Variants in GAS2 observed in about 807,000 individuals in gnomAD.
GAS2 encodes the protein growth arrest-specific protein 2.
GAS2 carries 20 observed loss-of-function variants against 37.5 expected under a neutral mutation model. That is an observed-to-expected ratio of 0.53 (90% CI 0.37 to 0.77). GAS2 has a LOEUF of 0.77. Among genes scored for constraint, GAS2 ranks in the 30% least tolerant of loss-of-function variants. GAS2 has a pLI of 0.00. For missense variants in GAS2, 336 were observed against 373.4 expected (o/e 0.90, Z 0.82); for synonymous variants, 144 against 132.2 (o/e 1.09, Z -0.61).
intron 1 of GAS2, among the ~76,000 whole-genome samples, chr11:22,650,509 A>G (rs1398524954): frequency 6.6e-6 from 1 of 150,834 alleles, no homozygotes; most frequent in East Asian, 1.9e-4. Context: ...TCTAATGTTG[A>G]CAGTGGGGTG....
intron 7 of GAS2, among the ~76,000 whole-genome samples, chr11:22,790,588 C>T (rs1398376758): frequency 8.3e-6 from 1 of 120,064 alleles, no homozygotes; most frequent in African/African-American, 3.0e-5. Context: ...TTCTTCTTCT[C>T]TATTTTTTTT....
chr11:22,629,260 A>G (rs952947305), intron 1 of GAS2, among the ~76,000 whole-genome samples: 1 of 152,128 alleles, frequency 6.6e-6, no homozygotes, highest in Non-Finnish European at 1.5e-5. Context: ...TTTTCCATAG[A>G]GGTTATACTG....
chr11:22,797,896 A>T (rs1393076037), intron 7 of GAS2, among the ~76,000 whole-genome samples: 1 of 152,100 alleles, frequency 6.6e-6, no homozygotes, highest in African/African-American at 2.4e-5. Flanking sequence ...CAATATGATC[A>T]TCAGCAAGGA....
At chr11:22,766,673 C>T (rs1854713819) in intron 7 of GAS2, among the ~76,000 whole-genome samples, 1 of 152,150 alleles carries the variant, frequency 6.6e-6, no homozygotes, top group South Asian at 2.1e-4. Context: ...ACAACATAAA[C>T]TAGAAAACCC....
chr11:22,690,444 G>GA (rs1029519151), intron 3 of GAS2, among the ~76,000 whole-genome samples: 2 of 152,114 alleles, frequency 1.3e-5, no homozygotes, highest in Non-Finnish European at 2.9e-5. Context: ...TAGCCTTTGT[G>GA]TAGTGGGCCA....
At chr11:22,743,665 A>C (rs1853217697) in intron 5 of GAS2, among the ~76,000 whole-genome samples, 1 of 152,084 alleles carries the variant, frequency 6.6e-6, no homozygotes, top group Non-Finnish European at 1.5e-5. Context: ...TTTCATTTCT[A>C]CTTTTCTGAT....
In GAS2 at chr11:22,812,518, T is replaced by A. The variant is rs1300688452; in HGVS notation, c.*502T>A. On this transcript the variant is annotated 3_prime_UTR_variant, in exon 8 of 8. Transcript: ENST00000454584. Reference sequence around the variant, plus strand: ...AGCACTACACATAAGTACAGAGTATTCACAATAGTAATATGTTACTGGAAA... The same window carrying A: ...AGCACTACACATAAGTACAGAGTATACACAATAGTAATATGTTACTGGAAA... 1 of 153,662 alleles carries A rather than the reference T, an allele frequency of 6.5e-6. No individual in the cohort carries two copies. The highest frequency in any genetic ancestry group is 1.4e-5 in the Non-Finnish European group (1 of 69,140). 9.5% of individuals were successfully genotyped at this position (153,662 alleles called of 1,614,324 possible). A position where few individuals can be genotyped will look rare whatever the true frequency, so the allele number is the denominator to read the frequency against.
rs557148931 is a variant in GAS2 at position 22,689,091 on chromosome 11, C to T, written c.267+3302C>T. Among the ~76,000 whole-genome samples, 4 of 152,130 alleles carry T rather than the reference C, an allele frequency of 2.6e-5. No individual in the cohort carries two copies. In the South Asian group the frequency reaches 8.3e-4, roughly 32 times the overall value. ...GAGCTAAACACTGAGTACACATGGA[C>T]ACAAACAGGAGAACAAAAGACACTG... On this transcript the variant is annotated intron_variant, in intron 3 of 7. Coordinates refer to ENST00000454584, the MANE Select transcript of GAS2 (RefSeq NM_001143830.3).
chr11:22,675,596 C>T (rs777981543), intron 2 of GAS2, among the ~76,000 whole-genome samples: 17 of 152,164 alleles, frequency 1.1e-4, no homozygotes, highest in Admixed American at 6.5e-5. Context: ...AAAGATTCCT[C>T]TCCTTTTGTT....
chr11:22,649,126 AG>A (rs1163209810), intron 1 of GAS2, among the ~76,000 whole-genome samples: 5 of 151,816 alleles, frequency 3.3e-5, no homozygotes, highest in African/African-American at 9.7e-5. Flanking sequence ...TTTAGCATGA[AG>A]GGTTGTTGAA....
At chr11:22,706,734 C>T (rs1405019668) in intron 3 of GAS2, among the ~76,000 whole-genome samples, 7 of 152,066 alleles carry the variant, frequency 4.6e-5, no homozygotes, top group Non-Finnish European at 7.4e-5. Flanking sequence ...CAGTCTATCA[C>T]TGTTGGACAT....
At chr11:22,771,369 T>C (rs866527193) in intron 7 of GAS2, among the ~76,000 whole-genome samples, 1 of 152,132 alleles carries the variant, frequency 6.6e-6, no homozygotes, top group Non-Finnish European at 1.5e-5. Context: ...GAATAAAAAA[T>C]GAAACACCAT....
chr11:22,794,776 A>G (rs987267027), intron 7 of GAS2, among the ~76,000 whole-genome samples: 4 of 152,134 alleles, frequency 2.6e-5, no homozygotes, highest in Non-Finnish European at 2.9e-5. Context: ...AACCCTCACA[A>G]TAATGTCACA....
intron 3 of GAS2, among the ~76,000 whole-genome samples, chr11:22,713,517 C>T (rs567950387): frequency 5.9e-5 from 9 of 152,180 alleles, no homozygotes; most frequent in African/African-American, 1.9e-4. Flanking sequence ...ACCTGGTAAA[C>T]TAATCACGAA....
chr11:22,658,085 A>G (rs75219437), intron 1 of GAS2, among the ~76,000 whole-genome samples: 2 of 150,530 alleles, frequency 1.3e-5, no homozygotes, highest in South Asian at 2.1e-4. Flanking sequence ...GAGTGCAGTG[A>G]CACGATCTCA....
rs1850342941 is a variant in GAS2 at position 22,693,292 on chromosome 11, A to G, written c.267+7503A>G. ...AGAATAAAGAAAATTCCATTCTCCA[A>G]ACCAAGAGATGAATGTTAAGTACCA... On this transcript the variant is annotated intron_variant, in intron 3 of 7. Coordinates refer to ENST00000454584, the MANE Select transcript of GAS2 (RefSeq NM_001143830.3). 2.0e-5 allele frequency among the ~76,000 whole-genome samples: 3 copies of G among 152,324 alleles called. No individual in the cohort carries two copies. The South Asian group carries it at 6.2e-4, about 32-fold the overall frequency.
chr11:22,728,408 C>A (rs1216003778), intron 4 of GAS2, among the ~76,000 whole-genome samples: 1 of 151,510 alleles, frequency 6.6e-6, no homozygotes, highest in African/African-American at 2.4e-5. Context: ...TATATAATGA[C>A]CCTGGTATAT....
intron 7 of GAS2, among the ~76,000 whole-genome samples, chr11:22,808,111 C>T (rs908751606): frequency 2.0e-5 from 3 of 152,136 alleles, no homozygotes; most frequent in East Asian, 1.9e-4. Context: ...AACCTAGATT[C>T]GGGTTTCAAA....
chr11:22,674,726 A>T, intron 1 of GAS2, 124 bp from the exon 2 acceptor site: 1 of 675,180 alleles, frequency 1.5e-6, no homozygotes, highest in Non-Finnish European at 2.3e-6. Context: ...TCATGGGGTT[A>T]ATAATTAATA....
Sources: gnomAD v4.1 joint callset for allele counts (sites outside exome capture counted in the v4.1 genomes callset) on GRCh38, gnomAD v4.1.1 for gene constraint, MANE v1.5 for transcripts, NCBI Gene and HGNC (gene_info 2026-07-23, HGNC 2026-07-21) for gene names.